TRIO: variants seen among roughly 807,000 people sequenced by gnomAD.
TRIO encodes the protein triple functional domain protein.
In TRIO, 58 loss-of-function variants were observed where a neutral mutation model predicts 351.9. The ratio of observed to expected loss-of-function variants is 0.16; its 90% CI spans 0.13 to 0.21. The LOEUF (loss-of-function observed/expected upper bound fraction) is 0.21. Ranked by LOEUF, TRIO falls within the 10% of genes least tolerant of loss-of-function variation. The pLI, the probability that TRIO is intolerant of heterozygous loss-of-function variation, is 1.00. For missense variants in TRIO, 3,201 were observed against 4,027.8 expected, an observed-to-expected ratio of 0.79 and a Z score of 5.56; for synonymous variants, 1,758 against 1,595.7, an observed-to-expected ratio of 1.10 and a Z score of -2.42.
At chr5:14,358,141 AGGCC>A (rs1561386492) in intron 11 of TRIO, 33 bp from the exon 12 acceptor site, 4 of 1,591,770 alleles carry the variant, frequency 2.5e-6, no homozygotes, top group Middle Eastern at 1.9e-4. Flanking sequence ...TGGTGCAGCC[AGGCC>A]GGCCGGCCTC....
At chr5:14,176,322 T>G (rs1340623923) in intron 1 of TRIO, among the ~76,000 whole-genome samples, 1 of 152,004 alleles carries the variant, frequency 6.6e-6, no homozygotes, top group South Asian at 2.1e-4. Flanking sequence ...ATAAAAAAAT[T>G]AGCCGGACAT....
chr5:14,266,533 AT>A (rs1317964295), intron 1 of TRIO, among the ~76,000 whole-genome samples: 1 of 152,242 alleles, frequency 6.6e-6, no homozygotes, highest in Non-Finnish European at 1.5e-5. Context: ...CAGATTTAAC[AT>A]TTATGCTCAC....
intron 1 of TRIO, among the ~76,000 whole-genome samples, chr5:14,230,565 G>A (rs1793351557): frequency 6.6e-6 from 1 of 152,114 alleles, no homozygotes; most frequent in African/African-American, 2.4e-5. Flanking sequence ...GCAGAGGGAT[G>A]ATAAAAGCAG....
intron 11 of TRIO, among the ~76,000 whole-genome samples, chr5:14,338,525 GT>G (rs1449204199): frequency 6.6e-6 from 1 of 152,206 alleles, no homozygotes; most frequent in African/African-American, 2.4e-5. Flanking sequence ...TACTTTACAT[GT>G]TTTTACACCG....
chr5:14,482,060 A>C (rs762335113), intron 45 of TRIO, among the ~76,000 whole-genome samples: 1 of 152,172 alleles, frequency 6.6e-6, no homozygotes, highest in Admixed American at 6.5e-5. Flanking sequence ...CATATTAGCT[A>C]TTACATATCC....
At chr5:14,464,959 T>C (rs1490717788) in intron 36 of TRIO, among the ~76,000 whole-genome samples, 1 of 152,190 alleles carries the variant, frequency 6.6e-6, no homozygotes. Flanking sequence ...TCAGCTCTTC[T>C]GTACTCTGCA....
chr5:14,487,525 C>T lies in TRIO; in HGVS notation c.6897C>T (p.Ser2299=), dbSNP rs1317927694. The T allele has an allele frequency of 5.4e-6, 2 of 373,034 alleles. No individual in the cohort carries two copies. The highest frequency in any genetic ancestry group is 8.0e-6 in the Non-Finnish European group (2 of 251,482). 23.1% of individuals were successfully genotyped at this position (373,034 alleles called of 1,614,324 possible). Residue 2299 remains serine (S), a synonymous_variant, in exon 48 of 57, where the codon AGC becomes AGT. Transcript: ENST00000344204. ...NHSGGGGGGG[S]GGSGGGGGSG... is the part of the protein sequence containing the mutation. ...GCGGGGGCGGCGGCGGCGGCGGCAG[C>T]GGGGGCAGCGGCGGGGGTGGGGGCA... is the stretch of plus-strand genomic sequence containing the variant.
chr5:14,320,612 C>G (rs534311086), intron 9 of TRIO, among the ~76,000 whole-genome samples: 1 of 152,308 alleles, frequency 6.6e-6, no homozygotes, highest in African/African-American at 2.4e-5. Flanking sequence ...AAAAAATGAT[C>G]AGGCAAACCT....
chr5:14,446,719 C>T (rs1434234442), intron 34 of TRIO, among the ~76,000 whole-genome samples: 1 of 152,068 alleles, frequency 6.6e-6, no homozygotes, highest in African/African-American at 2.4e-5. Flanking sequence ...GGGAGTTACT[C>T]AAATATAATT....
At chr5:14,383,515 T>C (rs955930504) in intron 21 of TRIO, among the ~76,000 whole-genome samples, 1 of 152,196 alleles carries the variant, frequency 6.6e-6, no homozygotes, top group Non-Finnish European at 1.5e-5. Context: ...GTTTGATGTG[T>C]GGTTATTGAA....
intron 2 of TRIO, among the ~76,000 whole-genome samples, chr5:14,277,856 C>G (rs1475973084): frequency 1.3e-5 from 2 of 152,198 alleles, no homozygotes; most frequent in African/African-American, 4.8e-5. Context: ...TCATACCTCC[C>G]TGAGGAGGAG....
At chr5:14,260,215 T>TA (rs939472229) in intron 1 of TRIO, among the ~76,000 whole-genome samples, 1 of 152,230 alleles carries the variant, frequency 6.6e-6, no homozygotes, top group African/African-American at 2.4e-5. Context: ...CAGCGATAGA[T>TA]ACAGCATTTC....
chr5:14,204,622 A>G (rs1791346309), intron 1 of TRIO, among the ~76,000 whole-genome samples: 1 of 152,214 alleles, frequency 6.6e-6, no homozygotes, highest in South Asian at 2.1e-4. Context: ...ATATTGCCCA[A>G]AATAAGACTA....
intron 17 of TRIO, 51 bp from the exon 18 acceptor site, chr5:14,369,323 G>A (rs370361680): frequency 2.6e-6 from 4 of 1,550,692 alleles, no homozygotes; most frequent in African/African-American, 2.7e-5. Flanking sequence ...AGGGATACCA[G>A]TCGGCAGTGG....
intron 9 of TRIO, among the ~76,000 whole-genome samples, chr5:14,329,156 C>A (rs1381424339): frequency 6.6e-6 from 1 of 152,214 alleles, no homozygotes; most frequent in Non-Finnish European, 1.5e-5. Context: ...CAAGGAACCA[C>A]AAGCTAAGCC....
chr5:14,449,875 A>G (rs1031874362), intron 34 of TRIO, among the ~76,000 whole-genome samples: 1 of 152,182 alleles, frequency 6.6e-6, no homozygotes, highest in Non-Finnish European at 1.5e-5. Flanking sequence ...TTTACATTTA[A>G]TTTCTTCACG....
chr5:14,449,006 T>C (rs1752648037), intron 34 of TRIO, among the ~76,000 whole-genome samples: 2 of 152,314 alleles, frequency 1.3e-5, no homozygotes, highest in Admixed American at 1.3e-4. Context: ...AAGACAGCAA[T>C]ATGGCCTAGA....
chr5:14,305,486 A>G (rs1052547385), intron 8 of TRIO, among the ~76,000 whole-genome samples: 3 of 152,240 alleles, frequency 2.0e-5, no homozygotes, highest in Non-Finnish European at 2.9e-5. Flanking sequence ...ATCTATATCT[A>G]CAGTGTTCTA....
intron 21 of TRIO, among the ~76,000 whole-genome samples, 170 bp downstream of exon 21, chr5:14,381,422 C>A (rs1012355330): frequency 1.3e-5 from 2 of 152,162 alleles, no homozygotes; most frequent in Non-Finnish European, 2.9e-5. Context: ...TCCGTGTCCT[C>A]CACCTCCTCC....
Sources: allele counts gnomAD v4.1 joint callset (sites outside exome capture counted in the v4.1 genomes callset), GRCh38; gene constraint gnomAD v4.1.1; transcripts MANE v1.5; gene names NCBI Gene and HGNC (gene_info 2026-07-23, HGNC 2026-07-21).